Variants in RYR1 observed in about 807,000 individuals in gnomAD.
RYR1 encodes the protein ryanodine receptor 1.
In RYR1, 342 loss-of-function variants were observed where a neutral mutation model predicts 583.5. The observed-to-expected ratio is 0.59, with a 90% confidence interval of 0.54 to 0.64. RYR1 has a LOEUF of 0.64. Among genes scored for constraint, RYR1 ranks in the 30% least tolerant of loss-of-function variants. The probability of loss-of-function intolerance (pLI) is 0.00; values close to 1 mark genes in which losing one functional copy is unlikely to be tolerated. For missense variants in RYR1, 6,032 were observed against 6,917.2 expected (o/e 0.87, Z 4.54); for synonymous variants, 2,791 against 2,822.5 (o/e 0.99, Z 0.35).
At chr19:38,503,645 C>G (rs902969462) in intron 49 of RYR1, among the ~76,000 whole-genome samples, 1 of 152,026 alleles carries the variant, frequency 6.6e-6, no homozygotes, top group Non-Finnish European at 1.5e-5. Context: ...TAGTGGAGCA[C>G]GCCTGTAATC....
chr19:38,528,015 G>C, intron 73 of RYR1: 1 of 621,024 alleles, frequency 1.6e-6, no homozygotes, highest in Non-Finnish European at 2.8e-6. Context: ...AGGTCTAGGG[G>C]TGGGGCCTAG....
chr19:38,566,021 G>A (rs1973407086), intron 91 of RYR1, among the ~76,000 whole-genome samples: 1 of 151,946 alleles, frequency 6.6e-6, no homozygotes, highest in South Asian at 2.1e-4. Context: ...CTGGAGAAAG[G>A]GCCGGGGAGA....
chr19:38,517,609 C>T lies in RYR1; in HGVS notation c.9936C>T (p.Leu3312=). 1 of 1,614,234 alleles carries T rather than the reference C, an allele frequency of 6.2e-7. No homozygotes were observed. Residue 3312 remains leucine (L), a synonymous_variant, in exon 66 of 106, where the codon CTC becomes CTT. Coordinates refer to ENST00000359596, the MANE Select transcript of RYR1 (RefSeq NM_000540.3). The part of the protein sequence containing the change: ...PPCTAVTSDH[L]NSLLGNILRI... The stretch of plus-strand genomic sequence containing the variant: ...GCACAGCTGTCACCTCTGACCACCT[C>T]AACTCCCTGCTGGGGAATATCCTGA...
chr19:38,587,437 C>T lies in RYR1; in HGVS notation c.*17C>T. The T allele has an allele frequency of 6.3e-7, 1 of 1,591,342 alleles. No individual in the cohort carries two copies. The highest frequency in any genetic ancestry group is 8.6e-7 in the Non-Finnish European group (1 of 1,159,526). On this transcript the variant is annotated 3_prime_UTR_variant, in exon 106 of 106. Transcript: ENST00000359596. ...CTTAGCTGACACACCCCCAGCTGGC[C>T]CTCCACCCCCACCTCAAGTGCCTTA...
intron 49 of RYR1, among the ~76,000 whole-genome samples, chr19:38,503,420 C>A (rs563355211): frequency 2.6e-5 from 4 of 152,146 alleles, no homozygotes; most frequent in Non-Finnish European, 5.9e-5. Context: ...TAAAGAGATA[C>A]CCCCAACTCA....
At chr19:38,516,042 C>T (rs1438735701) in intron 64 of RYR1, 45 bp from the exon 65 acceptor site, 1 of 1,537,326 alleles carries the variant, frequency 6.5e-7, no homozygotes, top group Non-Finnish European at 8.8e-7. Flanking sequence ...CCCAGGACCC[C>T]AAAGAGGGGG....
Position 38,466,186 on chromosome 19 carries a change from A to G in RYR1, c.2966A>G (p.Glu989Gly), listed in dbSNP as rs760305558. 1.1e-5 allele frequency: 18 copies of G among 1,613,418 alleles called. No homozygotes were observed. In the Admixed American group the frequency reaches 2.3e-4, roughly 21 times the overall value. ...AQTTLVDRLA[E>G]NGHNVWARDR... ...ACGACACTGGTGGACCGTCTGGCAG[A>G]AAATGGGCACAACGTGTGGGCCCGA... The change falls in exon 24 of 106, where the codon GAA (glutamate) becomes GGA (glycine). Residue 989 changes from glutamate (E) to glycine (G), a missense_variant. Coordinates refer to ENST00000359596, the MANE Select transcript of RYR1 (RefSeq NM_000540.3).
At chr19:38,472,201 C>T (rs967061446) in intron 27 of RYR1, among the ~76,000 whole-genome samples, 23 of 152,126 alleles carry the variant, frequency 1.5e-4, no homozygotes, top group African/African-American at 5.3e-4. Context: ...CGAGTTCAAG[C>T]GATTCTTTTG....
In RYR1 at chr19:38,475,190, C is replaced by T. The variant is rs985193700; in HGVS notation, c.4161-128C>T. On this transcript the variant is annotated intron_variant, in intron 28 of 105. Coordinates refer to ENST00000359596, the MANE Select transcript of RYR1 (RefSeq NM_000540.3). ...AGTCTGGGGTAGGTGGGAATCCAGC[C>T]CTCTAGAGGCAAGACCTGGGGTATT... 3.1e-6 allele frequency: 4 copies of T among 1,277,042 alleles called. No homozygotes were observed. The African/African-American group carries it at 5.9e-5, about 19-fold the overall frequency. The allele number at this position is 1,277,042 out of a possible 1,614,324, so 79.1% of individuals were successfully genotyped here.
chr19:38,457,671 C>T, intron 17 of RYR1, 41 bp downstream of exon 17: 1 of 1,599,418 alleles, frequency 6.3e-7, no homozygotes, highest in Non-Finnish European at 8.6e-7. Context: ...CAGAACCTCT[C>T]AACCCTCTCC....
intron 23 of RYR1, among the ~76,000 whole-genome samples, chr19:38,465,002 T>A (rs1164006465): frequency 1.3e-5 from 2 of 152,066 alleles, no homozygotes; most frequent in Non-Finnish European, 2.9e-5. Flanking sequence ...AGAGGTCACA[T>A]GTCCACGTAA....
At chr19:38,506,403 G>A (rs1335181786) in intron 55 of RYR1, 26 bp downstream of exon 55, 1 of 1,613,746 alleles carries the variant, frequency 6.2e-7, no homozygotes, top group Non-Finnish European at 8.5e-7. Flanking sequence ...CTTTTGGGGG[G>A]ACATAGGGTG....
intron 76 of RYR1, 78 bp from the exon 77 acceptor site, chr19:38,532,412 C>T (rs893236970): frequency 2.5e-5 from 37 of 1,452,788 alleles, no homozygotes; most frequent in African/African-American, 4.2e-5. Flanking sequence ...CATGAGCCAC[C>T]GCACCCTGCC....
Position 38,511,589 on chromosome 19 carries a change from C to G in RYR1, c.9151C>G (p.Arg3051Gly). 1 of 1,614,038 alleles carries G rather than the reference C, an allele frequency of 6.2e-7. No individual in the cohort carries two copies. Among genetic ancestry groups the G allele is most frequent in the Non-Finnish European group, 8.5e-7 (1 of 1,180,030 alleles). ...CTTCTGCAAACTTGCTGCTCTCGTC[C>G]GCCACCGAGTCTCTCTCTTTGGTAA... is the stretch of plus-strand genomic sequence containing the variant. Reference protein sequence around the residue: ...SLFCKLAALVRHRVSLFGTDA... With the variant: ...SLFCKLAALVGHRVSLFGTDA... Residue 3051 changes from arginine (R) to glycine (G), a missense_variant, in exon 61 of 106, where the codon CGC (arginine) becomes GGC (glycine). Transcript: ENST00000359596.
At chr19:38,532,580 C>G in intron 77 of RYR1, 39 bp downstream of exon 77, 1 of 1,613,542 alleles carries the variant, frequency 6.2e-7, no homozygotes, top group Middle Eastern at 1.7e-4. Context: ...AGATTTCCCT[C>G]TCCCCACCTG....
At chr19:38,587,068 A>G (rs1179694060) in intron 105 of RYR1, among the ~76,000 whole-genome samples, 2 of 152,276 alleles carry the variant, frequency 1.3e-5, no homozygotes, top group Non-Finnish European at 1.5e-5. Flanking sequence ...CAGAAGTTCA[A>G]GACAGCCTAG....
chr19:38,582,771 G>A (rs769682749), intron 101 of RYR1, among the ~76,000 whole-genome samples: 13 of 152,106 alleles, frequency 8.5e-5, no homozygotes, highest in Non-Finnish European at 1.9e-4. Context: ...AGAGACACAG[G>A]CCACAATCCA....
chr19:38,518,131 C>T (rs1180057819), intron 66 of RYR1, among the ~76,000 whole-genome samples: 1 of 147,994 alleles, frequency 6.8e-6, no homozygotes, highest in East Asian at 2.0e-4. Context: ...AACAAACAAA[C>T]AAAACAAAAG....
At chr19:38,517,270 A>G (rs1256447030) in intron 65 of RYR1, 89 bp from the exon 66 acceptor site, 16 of 1,323,198 alleles carry the variant, frequency 1.2e-5, no homozygotes, top group Admixed American at 1.9e-5. Context: ...TGGCAATTCA[A>G]TGGTGTCTGA....
Sources: gnomAD v4.1 joint callset for allele counts (sites outside exome capture counted in the v4.1 genomes callset) on GRCh38, gnomAD v4.1.1 for gene constraint, MANE v1.5 for transcripts, NCBI Gene and HGNC (gene_info 2026-07-23, HGNC 2026-07-21) for gene names.